The following REV3L variants were observed in gnomAD, a reference collection of about 807,000 sequenced individuals.
REV3L encodes REV3 like, DNA directed polymerase zeta catalytic subunit.
In REV3L, 69 loss-of-function variants were observed where a neutral mutation model predicts 299.4. That is an observed-to-expected ratio of 0.23 (90% confidence interval 0.19 to 0.28). The LOEUF (loss-of-function observed/expected upper bound fraction) is 0.28. REV3L is among the 10% of genes least tolerant of loss of function. The pLI, the probability that REV3L is intolerant of heterozygous loss-of-function variation, is 1.00. For missense variants in REV3L, 3,128 were observed against 3,693.8 expected, an observed-to-expected ratio of 0.85 and a Z score of 3.97; for synonymous variants, 1,238 against 1,271.4, an observed-to-expected ratio of 0.97 and a Z score of 0.56.
Position 111,335,589 on chromosome 6 carries a change from A to G in REV3L, c.7560T>C (p.Tyr2520=), listed in dbSNP as rs753228048. The G allele has an allele frequency of 8.7e-6, 14 of 1,609,914 alleles. No individual in the cohort carries two copies. Among genetic ancestry groups the G allele is most frequent in the South Asian group, 7.7e-5 (7 of 90,336 alleles). Residue 2520 remains tyrosine, a synonymous_variant, in exon 22 of 32, where the codon TAT becomes TAC. Coordinates refer to ENST00000368802, the MANE Select transcript of REV3L (RefSeq NM_001372078.1). ...GGAGATTTCCACGGACACGGCTAACATAATGATCAACCATTTTCCATCTGT... is the reference window on the plus strand; with the variant it reads ...GGAGATTTCCACGGACACGGCTAACGTAATGATCAACCATTTTCCATCTGT... The part of the protein sequence containing the change: ...DLYRWKMVDH[Y]VSRVRGNLQM...
chr6:111,421,115 G>C (rs1785300699), intron 1 of REV3L, among the ~76,000 whole-genome samples: 1 of 152,098 alleles, frequency 6.6e-6, no homozygotes, highest in Non-Finnish European at 1.5e-5. Context: ...GAGACAGAGC[G>C]AGACTCCATC....
intron 9 of REV3L, 24 bp from the exon 10 acceptor site, chr6:111,381,468 A>C: frequency 6.3e-7 from 1 of 1,587,094 alleles, no homozygotes. Context: ...AGAATAAAAA[A>C]AATTGAAGCA....
rs751202997 is a variant in REV3L at position 111,416,362 on chromosome 6, C to T, written c.250G>A (p.Asp84Asn). Reference protein sequence around the residue: ...SYLSQMAFSIDRALNVALGNP... With the variant: ...SYLSQMAFSINRALNVALGNP... Reference sequence around the variant, plus strand: ...CCTAAAGCCACATTAAGTGCTCTGTCGATACTGAATGCCATCTGAGAAAGA... The same window carrying T: ...CCTAAAGCCACATTAAGTGCTCTGTTGATACTGAATGCCATCTGAGAAAGA... The change falls in exon 2 of 32, where the codon GAC becomes AAC. Residue 84 changes from aspartate to asparagine, a missense_variant. Asp to Asn is a conservative substitution (Grantham distance 23). Around this residue, in one of 9 missense-constraint regions of REV3L, gnomAD observed 2,409 missense variants for 2,611.8 expected, o/e 0.92. Transcript: ENST00000368802. The T allele has an allele frequency of 1.8e-5, 29 of 1,613,616 alleles. No individual in the cohort carries two copies. The highest frequency in any genetic ancestry group is 8.9e-5 in the East Asian group (4 of 44,866).
chr6:111,308,349 C>T (rs1461437303), intron 30 of REV3L: 3 of 435,140 alleles, frequency 6.9e-6, no homozygotes, highest in East Asian at 7.2e-5. Context: ...GAGTTTCCTG[C>T]CTTAGAGCCA....
chr6:111,474,783 A>C (rs936214503), intron 1 of REV3L, among the ~76,000 whole-genome samples: 1 of 152,238 alleles, frequency 6.6e-6, no homozygotes, highest in African/African-American at 2.4e-5. Context: ...CAATTCCTGT[A>C]AGCAAAACAT....
chr6:111,327,814 G>A (rs1774997192), intron 25 of REV3L, among the ~76,000 whole-genome samples: 1 of 152,082 alleles, frequency 6.6e-6, no homozygotes, highest in African/African-American at 2.4e-5. Context: ...AAATATTCAA[G>A]TTAACAATAT....
intron 4 of REV3L, among the ~76,000 whole-genome samples, chr6:111,401,469 T>C (rs1210962414): frequency 6.6e-6 from 1 of 152,214 alleles, no homozygotes; most frequent in Non-Finnish European, 1.5e-5. Context: ...GGGAATTTTA[T>C]ACTACTCTAA....
At chr6:111,453,596 G>C (rs1205792902) in intron 1 of REV3L, among the ~76,000 whole-genome samples, 1 of 152,100 alleles carries the variant, frequency 6.6e-6, no homozygotes, top group Non-Finnish European at 1.5e-5. Context: ...ACTATATACT[G>C]CTTAGTAGCA....
At chr6:111,477,901 T>C (rs1185756713) in intron 1 of REV3L, among the ~76,000 whole-genome samples, 1 of 152,188 alleles carries the variant, frequency 6.6e-6, no homozygotes, top group Non-Finnish European at 1.5e-5. Flanking sequence ...AAAATGCTAG[T>C]AGTTTAGGGT....
chr6:111,442,329 T>C (rs1359514341), intron 1 of REV3L, among the ~76,000 whole-genome samples: 2 of 152,194 alleles, frequency 1.3e-5, no homozygotes, highest in Non-Finnish European at 2.9e-5. Context: ...TTGATGTCAG[T>C]ATTGCATCAA....
chr6:111,447,253 G>C (rs1180358832), intron 1 of REV3L, among the ~76,000 whole-genome samples: 1 of 152,278 alleles, frequency 6.6e-6, no homozygotes, highest in South Asian at 2.1e-4. Flanking sequence ...TACCAGATGT[G>C]TTCTGAATCA....
At chr6:111,435,470 A>C (rs1374217785) in intron 1 of REV3L, among the ~76,000 whole-genome samples, 7 of 152,206 alleles carry the variant, frequency 4.6e-5, no homozygotes, top group Non-Finnish European at 1.0e-4. Flanking sequence ...CATACAGACC[A>C]ATGAAACAGA....
intron 26 of REV3L, 27 bp downstream of exon 26, chr6:111,322,542 A>G: frequency 6.6e-7 from 1 of 1,523,466 alleles, no homozygotes; most frequent in Non-Finnish European, 9.1e-7. Context: ...GATGCAAAAG[A>G]CAACTACAAA....
At position 111,375,871 on chromosome 6, in the gene REV3L, G is replaced by C; in HGVS notation, c.2484C>G (p.Ser828=). 6.2e-7 allele frequency: 1 copy of C among 1,613,844 alleles called. No homozygotes were observed. Among genetic ancestry groups the C allele is most frequent in the Non-Finnish European group, 8.5e-7 (1 of 1,179,886 alleles). The change falls in exon 13 of 32, where the codon TCC becomes TCG. Residue 828 remains serine, a synonymous_variant. Coordinates refer to ENST00000368802, the MANE Select transcript of REV3L (RefSeq NM_001372078.1). The part of the protein sequence containing the change: ...TYKLQPGNKP[S]RLKLNKRKLA... ...GTTTCCTTTTATTCAATTTTAACCG[G>C]GATGGTTTATTGCCAGGTTGTAATT...
In REV3L at chr6:111,367,868, C is replaced by T. The variant is rs1369543730; in HGVS notation, c.5920G>A (p.Gly1974Arg). Residue 1974 changes from glycine to arginine, a missense_variant, in exon 14 of 32, where the codon GGA becomes AGA. Physicochemically the swap from Gly to Arg is moderately radical, Grantham distance 125. Transcript: ENST00000368802. ...RPGSPLRSGQ[G>R]VVNKGSSNSP... Reference sequence around the variant, plus strand: ...TTACTTGACCCTTTATTGACAACTCCTTGGCCACTGCGAAGGGGTGACCCT... The same window carrying T: ...TTACTTGACCCTTTATTGACAACTCTTTGGCCACTGCGAAGGGGTGACCCT... The T allele has an allele frequency of 6.2e-7, 1 of 1,614,120 alleles. No individual in the cohort carries two copies. The highest frequency in any genetic ancestry group is 1.7e-5 in the Admixed American group (1 of 60,018).
chr6:111,384,771 A>G (rs759124691), intron 9 of REV3L, among the ~76,000 whole-genome samples: 1 of 152,154 alleles, frequency 6.6e-6, no homozygotes, highest in African/African-American at 2.4e-5. Flanking sequence ...TGAAATTGGT[A>G]TGTCGAGTTG....
intron 1 of REV3L, among the ~76,000 whole-genome samples, chr6:111,482,368 G>A (rs1347383989): frequency 6.6e-6 from 1 of 152,198 alleles, no homozygotes; most frequent in African/African-American, 2.4e-5. Context: ...CGACCTCAGA[G>A]CAGGCCCTAC....
intron 1 of REV3L, among the ~76,000 whole-genome samples, chr6:111,469,169 C>T (rs1353732762): frequency 6.6e-6 from 1 of 151,904 alleles, no homozygotes; most frequent in Non-Finnish European, 1.5e-5. Flanking sequence ...CAAACAACAA[C>T]AAAAAACAAA....
At chr6:111,445,136 T>C (rs1788693812) in intron 1 of REV3L, among the ~76,000 whole-genome samples, 1 of 152,128 alleles carries the variant, frequency 6.6e-6, no homozygotes, top group Non-Finnish European at 1.5e-5. Flanking sequence ...ACTTTTGGGG[T>C]CCACTTAAAA....
Sources: gnomAD v4.1 joint callset for allele counts (sites outside exome capture counted in the v4.1 genomes callset) on GRCh38, gnomAD v4.1.1 for gene constraint, gnomAD v4.1.1 regional missense constraint, MANE v1.5 for transcripts, NCBI Gene and HGNC (gene_info 2026-07-23, HGNC 2026-07-21) for gene names.